NAA11: variants seen among roughly 807,000 people sequenced by gnomAD.
NAA11 encodes N-alpha-acetyltransferase 11, NatA catalytic subunit.
A neutral mutation model predicts 16.1 loss-of-function variants in NAA11; 15 were observed. The observed-to-expected ratio is 0.93, with a 90% CI of 0.62 to 1.44. NAA11 has a LOEUF of 1.44. Among genes scored for constraint, NAA11 ranks in the 40% most tolerant of loss-of-function variants. The probability of loss-of-function intolerance (pLI) is 0.00; values close to 1 mark genes in which losing one functional copy is unlikely to be tolerated. For synonymous variants in NAA11, 122 were observed against 112.4 expected, an observed-to-expected ratio of 1.09 and a Z score of -0.54; for missense variants, 298 against 291.3, an observed-to-expected ratio of 1.02 and a Z score of -0.17.
At chr4:79,180,092 G>A in the NAA11 span, among the ~76,000 whole-genome samples, 5 of 152,044 alleles carry the variant, frequency 3.3e-5, no homozygotes, top group Non-Finnish European at 7.4e-5. Context: ...GGGATTACGG[G>A]GACTACAATT....
chr4:79,297,796 G>C (rs1723266051), intron 1 of NAA11, among the ~76,000 whole-genome samples: 1 of 152,208 alleles, frequency 6.6e-6, no homozygotes, highest in East Asian at 1.9e-4. Context: ...ATGGACAGCA[G>C]CAGGAGGCAG....
the NAA11 span, among the ~76,000 whole-genome samples, chr4:79,169,064 C>T: frequency 3.3e-5 from 5 of 152,092 alleles, no homozygotes; most frequent in African/African-American, 7.2e-5. Flanking sequence ...TGAAGGACCT[C>T]TTCAAGGAGA....
rs563120332 is a variant in NAA11, at chr4:79,281,279, A to T, written c.*122+12726T>A. 7.2e-5 allele frequency among the ~76,000 whole-genome samples: 11 copies of T among 151,992 alleles called. No homozygotes were observed. The South Asian group carries it at 2.3e-3, about 32-fold the overall frequency. On this transcript the variant is annotated intron_variant and NMD_transcript_variant, in intron 2 of 2. Transcript: ENST00000511542. ...GTATGGCTATGCAGATGGAGGAAAA[A>T]AAAAAAAACATTCTCAAGGAGACAG...
At chr4:79,201,137 G>C in the NAA11 span, among the ~76,000 whole-genome samples, 1 of 151,082 alleles carries the variant, frequency 6.6e-6, no homozygotes, top group Non-Finnish European at 1.5e-5. Flanking sequence ...ATAGTGCATG[G>C]CTGTTTCTTA....
downstream of NAA11, among the ~76,000 whole-genome samples, chr4:79,225,046 G>C (rs911956586): frequency 6.6e-6 from 1 of 151,792 alleles, no homozygotes; most frequent in Non-Finnish European, 1.5e-5. Context: ...GTGGGATCCT[G>C]GAATAGTGAG....
chr4:79,298,690 GGCATGGATACACGCCCTTGGCAA>G (rs1264984837), intron 1 of NAA11, among the ~76,000 whole-genome samples: 1 of 152,190 alleles, frequency 6.6e-6, no homozygotes, highest in Non-Finnish European at 1.5e-5. Flanking sequence ...GCCCTTGGCA[GGCATGGATACACGCCCTTGGCAA>G]GCATGAGACC....
chr4:79,279,252 A>T (rs541196121), intron 2 of NAA11, among the ~76,000 whole-genome samples: 1 of 152,238 alleles, frequency 6.6e-6, no homozygotes, highest in Admixed American at 6.5e-5. Context: ...CTTTGCATAC[A>T]TTTTCTCATT....
At chr4:79,260,665 A>G (rs1258463044) in intron 2 of NAA11, among the ~76,000 whole-genome samples, 1 of 152,242 alleles carries the variant, frequency 6.6e-6, no homozygotes, top group African/African-American at 2.4e-5. Flanking sequence ...AACTTTAACA[A>G]GAAAGAAAGG....
At chr4:79,176,190 G>C in the NAA11 span, among the ~76,000 whole-genome samples, 2 of 152,150 alleles carry the variant, frequency 1.3e-5, no homozygotes, top group Non-Finnish European at 2.9e-5. Context: ...TGCTGGTTTT[G>C]ACCTCAAGCC....
At chr4:79,233,321 A>G (rs1397595994) in intron 2 of NAA11, among the ~76,000 whole-genome samples, 1 of 151,760 alleles carries the variant, frequency 6.6e-6, no homozygotes, top group East Asian at 1.9e-4. Flanking sequence ...CTCCAAAATC[A>G]CCTCTACTAA....
chr4:79,194,978 C>T, the NAA11 span, among the ~76,000 whole-genome samples: 1 of 152,004 alleles, frequency 6.6e-6, no homozygotes, highest in Non-Finnish European at 1.5e-5. Flanking sequence ...ACTCTGCTGT[C>T]CTGTGGGAGA....
the NAA11 span, among the ~76,000 whole-genome samples, chr4:79,190,248 G>C: frequency 4.6e-5 from 7 of 152,198 alleles, no homozygotes; most frequent in Admixed American, 2.6e-4. Flanking sequence ...AGAAAAAAAA[G>C]GTTCTTAATC....
intron 2 of NAA11, among the ~76,000 whole-genome samples, chr4:79,264,353 G>C (rs962751650): frequency 6.6e-6 from 1 of 151,994 alleles, no homozygotes; most frequent in African/African-American, 2.4e-5. Flanking sequence ...TTAAAAATTT[G>C]TATCATTACC....
intron 2 of NAA11, among the ~76,000 whole-genome samples, chr4:79,260,717 T>A (rs1269971316): frequency 6.6e-6 from 1 of 152,242 alleles, no homozygotes; most frequent in Non-Finnish European, 1.5e-5. Flanking sequence ...GAAATCGTGA[T>A]GATGAACCTA....
the NAA11 span, among the ~76,000 whole-genome samples, chr4:79,211,472 A>G: frequency 6.6e-6 from 1 of 152,222 alleles, no homozygotes; most frequent in Non-Finnish European, 1.5e-5. Context: ...GTGGATTCAC[A>G]TGCATATACA....
At chr4:79,192,135 T>C in the NAA11 span, among the ~76,000 whole-genome samples, 44 of 152,326 alleles carry the variant, frequency 2.9e-4, no homozygotes, top group African/African-American at 9.6e-4. Context: ...AGCTTCGTTC[T>C]TTTTGCTTAG....
At chr4:79,306,532 C>T (rs923386005) in intron 1 of NAA11, among the ~76,000 whole-genome samples, 2 of 152,088 alleles carry the variant, frequency 1.3e-5, no homozygotes, top group African/African-American at 2.4e-5. Flanking sequence ...GTGCTATGTC[C>T]AAATAGTCAC....
chr4:79,300,492 A>G (rs1051454414), intron 1 of NAA11, among the ~76,000 whole-genome samples: 1 of 152,198 alleles, frequency 6.6e-6, no homozygotes, highest in Admixed American at 6.5e-5. Context: ...GCAAAATTCA[A>G]AGAAACAAAC....
chr4:79,197,588 T>C, the NAA11 span: 1 of 152,058 alleles, frequency 6.6e-6, no homozygotes, highest in Non-Finnish European at 1.5e-5. Context: ...ATCTGCTCCC[T>C]AGCCTGGATA....
Sources: allele counts gnomAD v4.1 joint callset (sites outside exome capture counted in the v4.1 genomes callset), GRCh38; gene constraint gnomAD v4.1.1; transcripts MANE v1.5; gene names NCBI Gene and HGNC (gene_info 2026-07-23, HGNC 2026-07-21).